CPEB3: variants seen among roughly 807,000 people sequenced by gnomAD.
CPEB3 encodes cytoplasmic polyadenylation element binding protein 3, also known as cytoplasmic polyadenylation element-binding protein 3.
CPEB3 carries 20 observed loss-of-function variants against 67.2 expected under a neutral mutation model. That is an observed-to-expected ratio of 0.30 (90% CI 0.21 to 0.43). The LOEUF (loss-of-function observed/expected upper bound fraction) is 0.43, where lower values mean the gene tolerates loss of function less well. Among genes scored for constraint, CPEB3 ranks in the 20% least tolerant of loss-of-function variants. The pLI is 1.00. For missense variants in CPEB3, 746 were observed against 968.6 expected, an observed-to-expected ratio of 0.77 and a Z score of 3.05; for synonymous variants, 376 against 393.1, an observed-to-expected ratio of 0.96 and a Z score of 0.51.
chr10:92,088,209 A>C (rs1374876320), intron 8 of CPEB3, among the ~76,000 whole-genome samples: 1 of 143,148 alleles, frequency 7.0e-6, no homozygotes, highest in Non-Finnish European at 1.5e-5. Flanking sequence ...TAGGACTGTG[A>C]TTTTTTTCCA....
chr10:92,053,666 T>C (rs927183909), intron 9 of CPEB3, among the ~76,000 whole-genome samples: 21 of 151,730 alleles, frequency 1.4e-4, no homozygotes, highest in Non-Finnish European at 2.9e-4. Flanking sequence ...CTTAGCCTCC[T>C]GAGTAGCTGG....
intron 9 of CPEB3, among the ~76,000 whole-genome samples, chr10:92,057,134 G>T (rs1379913485): frequency 6.6e-6 from 1 of 152,172 alleles, no homozygotes; most frequent in Non-Finnish European, 1.5e-5. Flanking sequence ...TACGGCCACA[G>T]TTGGGTAGAG....
intron 6 of CPEB3, among the ~76,000 whole-genome samples, chr10:92,129,892 A>C (rs1016831531): frequency 6.6e-6 from 1 of 152,038 alleles, no homozygotes; most frequent in Non-Finnish European, 1.5e-5. Context: ...AAATAAAAAT[A>C]AAAAATAAGC....
At chr10:92,250,858 A>ATTTTTTTTTTTTTTTT (rs1211646953) in intron 1 of CPEB3, among the ~76,000 whole-genome samples, 7 of 104,122 alleles carry the variant, frequency 6.7e-5, no homozygotes, top group Non-Finnish European at 9.5e-5. Context: ...CACACAGTTA[A>ATTTTTTTTTTTTTTTT]TTTTTTTTTT....
chr10:92,163,159 G>A (rs1267616159), intron 4 of CPEB3, among the ~76,000 whole-genome samples: 7 of 152,166 alleles, frequency 4.6e-5, no homozygotes, highest in African/African-American at 1.7e-4. Context: ...GCTCCGCAAG[G>A]CACAGTGGCT....
At chr10:92,191,483 C>T (rs1480066869) in intron 3 of CPEB3, among the ~76,000 whole-genome samples, 4 of 152,096 alleles carry the variant, frequency 2.6e-5, no homozygotes, top group Non-Finnish European at 4.4e-5. Flanking sequence ...TTTCTTTTCA[C>T]TGGAAAATGA....
At chr10:92,153,209 G>A (rs1847043555) in intron 4 of CPEB3, among the ~76,000 whole-genome samples, 1 of 152,138 alleles carries the variant, frequency 6.6e-6, no homozygotes, top group East Asian at 1.9e-4. Context: ...CTTCTAGCAT[G>A]GTCTCCCTGG....
chr10:92,256,542 C>T (rs552886525), intron 1 of CPEB3, among the ~76,000 whole-genome samples: 18 of 152,174 alleles, frequency 1.2e-4, no homozygotes, highest in African/African-American at 4.3e-4. Context: ...GCACGTGCCA[C>T]CACACCCAGC....
At chr10:92,186,593 C>A (rs1176799603) in intron 3 of CPEB3, among the ~76,000 whole-genome samples, 1 of 152,046 alleles carries the variant, frequency 6.6e-6, no homozygotes, top group Non-Finnish European at 1.5e-5. Flanking sequence ...TGCCACCACA[C>A]CTGGCTAATT....
At chr10:92,207,768 G>A (rs1259538098) in intron 2 of CPEB3, among the ~76,000 whole-genome samples, 1 of 152,128 alleles carries the variant, frequency 6.6e-6, no homozygotes, top group Non-Finnish European at 1.5e-5. Context: ...TACTCACAAG[G>A]CTGAGGCAGG....
At chr10:92,094,985 A>G (rs1449544373) in intron 7 of CPEB3, among the ~76,000 whole-genome samples, 1 of 152,202 alleles carries the variant, frequency 6.6e-6, no homozygotes, top group Admixed American at 6.5e-5. Flanking sequence ...TTTAAAAATG[A>G]AAACTATTCT....
At chr10:92,139,304 A>AG (rs1249583408) in intron 6 of CPEB3, among the ~76,000 whole-genome samples, 6 of 151,868 alleles carry the variant, frequency 4.0e-5, no homozygotes, top group African/African-American at 1.2e-4. Flanking sequence ...AAAAAAAAAA[A>AG]AAAGAATATG....
intron 3 of CPEB3, 63 bp downstream of exon 3, chr10:92,192,411 AATT>A: frequency 6.9e-7 from 1 of 1,455,784 alleles, no homozygotes; most frequent in Non-Finnish European, 9.3e-7. Flanking sequence ...GAAAAATCAA[AATT>A]ATTAAAAAGC....
At position 92,141,321 on chromosome 10, in the gene CPEB3, G is replaced by A. The variant is rs1846406211; in HGVS notation, c.1453+1708C>T. Among the ~76,000 whole-genome samples the A allele has an allele frequency of 2.0e-5, 3 of 151,874 alleles. No individual in the cohort carries two copies. The South Asian group carries it at 6.2e-4, about 32-fold the overall frequency. On this transcript the variant is annotated intron_variant, in intron 6 of 9. Coordinates refer to ENST00000265997, the MANE Select transcript of CPEB3 (RefSeq NM_014912.5). The stretch of plus-strand genomic sequence containing the variant: ...CAGCCATAAAAAAGGATGAGTTCAT[G>A]TCCTTTGTAGGGACATGGATGAAAT...
chr10:92,059,775 G>A (rs1243553195), intron 9 of CPEB3, among the ~76,000 whole-genome samples: 1 of 151,986 alleles, frequency 6.6e-6, no homozygotes, highest in African/African-American at 2.4e-5. Context: ...TGACCCACAT[G>A]GTGAAACCCT....
chr10:92,274,067 C>T (rs968861646), intron 1 of CPEB3, among the ~76,000 whole-genome samples: 10 of 152,166 alleles, frequency 6.6e-5, no homozygotes, highest in African/African-American at 1.4e-4. Context: ...TACTTTCTGA[C>T]GTCAGCTGAT....
At chr10:92,222,017 T>C (rs891726316) in intron 2 of CPEB3, among the ~76,000 whole-genome samples, 1 of 152,118 alleles carries the variant, frequency 6.6e-6, no homozygotes, top group Non-Finnish European at 1.5e-5. Context: ...TATTTATAAA[T>C]TACCCCATCG....
At chr10:92,106,480 A>G (rs1844460286) in intron 7 of CPEB3, among the ~76,000 whole-genome samples, 1 of 152,116 alleles carries the variant, frequency 6.6e-6, no homozygotes, top group African/African-American at 2.4e-5. Flanking sequence ...TTCATGAAAG[A>G]GATGGCATTT....
chr10:92,103,133 G>C (rs1288826481), intron 7 of CPEB3, among the ~76,000 whole-genome samples: 1 of 152,168 alleles, frequency 6.6e-6, no homozygotes, highest in Non-Finnish European at 1.5e-5. Context: ...TTACCTTCCA[G>C]GGGTAGGAAA....
Sources: gnomAD v4.1 joint callset for allele counts (sites outside exome capture counted in the v4.1 genomes callset) on GRCh38, gnomAD v4.1.1 for gene constraint, MANE v1.5 for transcripts, NCBI Gene and HGNC (gene_info 2026-07-23, HGNC 2026-07-21) for gene names.